The following LCP1 variants were observed in gnomAD, a reference collection of about 807,000 sequenced individuals.
LCP1 encodes the protein plastin-2.
Under a neutral mutation model 72.0 loss-of-function variants are expected in LCP1, and 23 were observed. The observed-to-expected ratio is 0.32, with a 90% CI of 0.23 to 0.45. The LOEUF (loss-of-function observed/expected upper bound fraction) is 0.45, where lower values mean the gene tolerates loss of function less well. Ranked by LOEUF, LCP1 falls within the 20% of genes least tolerant of loss-of-function variation. The pLI, the probability that LCP1 is intolerant of heterozygous loss-of-function variation, is 1.00. For missense variants in LCP1, 571 were observed against 748.3 expected (o/e 0.76, Z 2.76); for synonymous variants, 245 against 275.4 (o/e 0.89, Z 1.09).
At chr13:46,141,208 C>A (rs2138231088) in intron 13 of LCP1, among the ~76,000 whole-genome samples, 1 of 151,922 alleles carries the variant, frequency 6.6e-6, no homozygotes, top group South Asian at 2.1e-4. Flanking sequence ...GAGTTTGAGA[C>A]CAGCCTGTCC....
intron 5 of LCP1, among the ~76,000 whole-genome samples, chr13:46,155,151 G>T (rs1056222559): frequency 6.6e-6 from 1 of 152,118 alleles, no homozygotes; most frequent in Non-Finnish European, 1.5e-5. Context: ...AAATTATCCT[G>T]ATTTTCTTAG....
intron 8 of LCP1, chr13:46,148,696 G>A: frequency 2.0e-6 from 1 of 510,142 alleles, no homozygotes; most frequent in Non-Finnish European, 2.9e-6. Context: ...GCACCCTAAA[G>A]AAGTGGATAT....
chr13:46,180,505 C>A (rs763223478), intron 1 of LCP1, among the ~76,000 whole-genome samples: 24 of 152,140 alleles, frequency 1.6e-4, no homozygotes, highest in Non-Finnish European at 3.4e-4. Context: ...AATTTAAATG[C>A]TACAAAGAAA....
At chr13:46,173,491 C>A (rs2045913775) in intron 1 of LCP1, among the ~76,000 whole-genome samples, 1 of 152,172 alleles carries the variant, frequency 6.6e-6, no homozygotes, top group African/African-American at 2.4e-5. Flanking sequence ...TGTAAAAGAA[C>A]TAGAACTTTT....
intron 1 of LCP1, 70 bp from the exon 2 acceptor site, chr13:46,159,756 A>G: frequency 2.3e-6 from 2 of 856,800 alleles, no homozygotes; most frequent in South Asian, 2.9e-5. Flanking sequence ...ATTAAGAAGC[A>G]ATTCCCATTT....
intron 1 of LCP1, among the ~76,000 whole-genome samples, chr13:46,172,873 G>T (rs1484954629): frequency 6.6e-6 from 1 of 152,230 alleles, no homozygotes; most frequent in Non-Finnish European, 1.5e-5. Context: ...AGGGGCCCTG[G>T]AGGGTGAAGT....
At chr13:46,138,368 G>A (rs1782640184) in intron 13 of LCP1, among the ~76,000 whole-genome samples, 1 of 152,056 alleles carries the variant, frequency 6.6e-6, no homozygotes, top group Non-Finnish European at 1.5e-5. Context: ...ATCCCTTCCG[G>A]TGCCATTTAT....
At chr13:46,164,390 A>G (rs1229365966) in intron 1 of LCP1, among the ~76,000 whole-genome samples, 6 of 152,196 alleles carry the variant, frequency 3.9e-5, no homozygotes, top group African/African-American at 1.4e-4. Context: ...AAAGACATAG[A>G]AAGTACATGT....
intron 1 of LCP1, chr13:46,168,619 A>G (rs1418612858): frequency 1.3e-5 from 2 of 152,258 alleles, no homozygotes; most frequent in African/African-American, 4.8e-5. Context: ...GTTACCACAC[A>G]CAGCTTAAGA....
At chr13:46,132,001 CTT>C (rs57807290) in intron 14 of LCP1, among the ~76,000 whole-genome samples, 121,718 of 147,920 alleles carry the variant, frequency 0.82, 50,941 homozygotes, top group South Asian at 0.96. Context: ...CTCTCTGAAT[CTT>C]TTTTTTTTTT....
intron 1 of LCP1, among the ~76,000 whole-genome samples, chr13:46,165,963 A>G (rs191819198): frequency 1.9e-3 from 287 of 148,536 alleles, no homozygotes; most frequent in African/African-American, 6.4e-3. Flanking sequence ...AAACCTTAAG[A>G]AAAAAAAAGC....
chr13:46,135,112 A>AG (rs2045656665), intron 13 of LCP1, among the ~76,000 whole-genome samples: 1 of 142,112 alleles, frequency 7.0e-6, no homozygotes, highest in Admixed American at 6.9e-5. Flanking sequence ...CTGTCTCAAA[A>AG]AAAAAAAAAA....
intron 13 of LCP1, among the ~76,000 whole-genome samples, chr13:46,140,468 A>G (rs977861544): frequency 4.6e-5 from 7 of 152,226 alleles, no homozygotes; most frequent in African/African-American, 1.7e-4. Context: ...GCTCTAGATT[A>G]ATTAAGCTTA....
Position 46,126,523 on chromosome 13 carries a change from A to G in LCP1, c.*1068T>C. 4.3e-6 allele frequency: 1 copy of G among 232,302 alleles called. No homozygotes were observed. The highest frequency in any genetic ancestry group is 8.5e-6 in the Non-Finnish European group (1 of 117,238). 14.4% of individuals were successfully genotyped at this position (232,302 alleles called of 1,614,324 possible). ...GCACATATTGTCCCCCCTGGAGTTT[A>G]GGGGTGGCAGAAAGCTTTTATAGTA... is the stretch of plus-strand genomic sequence containing the variant. On this transcript the variant is annotated 3_prime_UTR_variant, in exon 16 of 16. Coordinates refer to ENST00000323076, the MANE Select transcript of LCP1 (RefSeq NM_002298.5).
intron 6 of LCP1, chr13:46,153,253 C>A (rs774344735): frequency 5.0e-5 from 10 of 198,362 alleles, no homozygotes; most frequent in Non-Finnish European, 9.2e-5. Context: ...ATGAAGCTGA[C>A]ACACAAAACA....
At chr13:46,144,266 G>C (rs940209704) in intron 11 of LCP1, among the ~76,000 whole-genome samples, 176 bp downstream of exon 11, 5 of 152,222 alleles carry the variant, frequency 3.3e-5, no homozygotes, top group African/African-American at 1.2e-4. Flanking sequence ...ACTGATGTAT[G>C]CAGGTGAGTT....
chr13:46,151,440 T>C (rs1309218868), intron 7 of LCP1, among the ~76,000 whole-genome samples: 1 of 152,250 alleles, frequency 6.6e-6, no homozygotes, highest in Non-Finnish European at 1.5e-5. Context: ...ACATTTTTGC[T>C]TTTAAGAGAT....
At chr13:46,133,493 G>C (rs546267979) in intron 14 of LCP1, among the ~76,000 whole-genome samples, 4 of 152,128 alleles carry the variant, frequency 2.6e-5, no homozygotes, top group East Asian at 3.9e-4. Context: ...GGGCATGGTA[G>C]TGTGCACCTG....
intron 10 of LCP1, among the ~76,000 whole-genome samples, chr13:46,145,795 G>T (rs1185234173): frequency 8.8e-6 from 1 of 114,150 alleles, no homozygotes; most frequent in Non-Finnish European, 1.8e-5. Flanking sequence ...TGTAGTCCCA[G>T]CTACTTGGGA....
Sources: gnomAD v4.1 joint callset for allele counts (sites outside exome capture counted in the v4.1 genomes callset) on GRCh38, gnomAD v4.1.1 for gene constraint, MANE v1.5 for transcripts, NCBI Gene and HGNC (gene_info 2026-07-23, HGNC 2026-07-21) for gene names.